KYAT1: variants seen among roughly 807,000 people sequenced by gnomAD.
KYAT1 encodes the protein kynurenine--oxoglutarate transaminase 1.
KYAT1 carries 47 observed loss-of-function variants against 52.4 expected under a neutral mutation model. The observed-to-expected ratio is 0.90, with a 90% CI of 0.71 to 1.14. The LOEUF (loss-of-function observed/expected upper bound fraction) is 1.14, where lower values mean the gene tolerates loss of function less well. KYAT1 is among the 50% of genes most tolerant of loss of function. The pLI is 0.00. For synonymous variants in KYAT1, 212 were observed against 209.6 expected, an observed-to-expected ratio of 1.01 and a Z score of -0.10; for missense variants, 480 against 557.9, an observed-to-expected ratio of 0.86 and a Z score of 1.41.
intron 1 of KYAT1, among the ~76,000 whole-genome samples, chr9:128,874,939 G>C (rs1837760577): frequency 6.6e-6 from 1 of 151,718 alleles, no homozygotes; most frequent in Non-Finnish European, 1.5e-5. Flanking sequence ...TGGCCAGGCT[G>C]GTCTCGAACT....
At chr9:128,843,785 C>CCTACT (rs1158024132) in intron 2 of KYAT1, among the ~76,000 whole-genome samples, 6 of 152,214 alleles carry the variant, frequency 3.9e-5, no homozygotes, top group African/African-American at 1.4e-4. Context: ...CCTGTCCTAT[C>CCTACT]CTACTCTATT....
intron 1 of KYAT1, among the ~76,000 whole-genome samples, chr9:128,881,173 C>T (rs1442675620): frequency 2.6e-5 from 4 of 152,052 alleles, no homozygotes; most frequent in South Asian, 4.1e-4. Flanking sequence ...CTCCACCTCC[C>T]GAGTTCATGC....
Position 128,835,294 on chromosome 9 carries a change from C to T in KYAT1, c.1122+29G>A, listed in dbSNP as rs1159292266. On this transcript the variant is annotated intron_variant, in intron 11 of 12. Transcript: ENST00000302586. ...GCAGCACACAACCTGTGAAACCATA[C>T]ATGGCTGCCTGGCAGAGGCCCAGCC... 3 of 1,594,380 alleles carry T rather than the reference C, an allele frequency of 1.9e-6. No individual in the cohort carries two copies. The South Asian group carries it at 3.3e-5, about 18-fold the overall frequency.
chr9:128,858,823 C>T (rs145315915), intron 1 of KYAT1, among the ~76,000 whole-genome samples: 6,014 of 151,722 alleles, frequency 0.04, 130 homozygotes, highest in Middle Eastern at 0.075. Flanking sequence ...GACTGGCCAA[C>T]ACGGTGAAAT....
chr9:128,856,495 T>C (rs2119375046), intron 1 of KYAT1, among the ~76,000 whole-genome samples: 1 of 152,304 alleles, frequency 6.6e-6, no homozygotes, highest in South Asian at 2.1e-4. Context: ...TGTGTCTATG[T>C]AGAAAGGGAA....
intron 2 of KYAT1, among the ~76,000 whole-genome samples, chr9:128,844,771 G>C (rs1016872297): frequency 2.0e-5 from 3 of 152,152 alleles, no homozygotes; most frequent in Non-Finnish European, 2.9e-5. Context: ...GGCTGAAGCA[G>C]GAGAATCATT....
intron 1 of KYAT1, among the ~76,000 whole-genome samples, chr9:128,862,999 G>A (rs1835673440): frequency 6.6e-6 from 1 of 151,698 alleles, no homozygotes; most frequent in African/African-American, 2.4e-5. Flanking sequence ...TAATTTTTTT[G>A]TGTGTCTTTA....
rs201263319 is a variant in KYAT1 at position 128,835,346 on chromosome 9, C to T, written c.1099G>A (p.Val367Ile). The change falls in exon 11 of 13, where the codon GTC becomes ATC. Residue 367 changes from valine to isoleucine, a missense_variant. Transcript: ENST00000302586. ...ACCTTGTTCTTGATCATCCACTTGA[C>T]GAAGCGTCTGTCATAGGGCTCATCC... ...AVDEPYDRRF[V>I]KWMIKNKGLV... 4.7e-5 allele frequency: 76 copies of T among 1,613,888 alleles called. 1 individual carries two copies. In the African/African-American group the frequency reaches 6.0e-4, roughly 13 times the overall value.
chr9:128,837,922 CCCCTCTG>C, intron 5 of KYAT1, 109 bp from the exon 6 acceptor site: 6 of 1,473,698 alleles, frequency 4.1e-6, no homozygotes, highest in Non-Finnish European at 5.7e-6. Flanking sequence ...ACACACACCT[CCCCTCTG>C]CCCTCCCAGC....
intron 1 of KYAT1, among the ~76,000 whole-genome samples, chr9:128,852,919 TA>T (rs1773647065): frequency 1.3e-5 from 2 of 152,236 alleles, no homozygotes; most frequent in Non-Finnish European, 2.9e-5. Flanking sequence ...TCAGCACAAG[TA>T]AATAGAATAG....
At chr9:128,865,939 C>T (rs1836305472) in intron 1 of KYAT1, among the ~76,000 whole-genome samples, 1 of 152,186 alleles carries the variant, frequency 6.6e-6, no homozygotes, top group East Asian at 1.9e-4. Flanking sequence ...AATAAACCTG[C>T]AGAATGAGAA....
At chr9:128,878,974 G>A (rs1838410732) in intron 1 of KYAT1, among the ~76,000 whole-genome samples, 1 of 152,184 alleles carries the variant, frequency 6.6e-6, no homozygotes. Flanking sequence ...GAGGCCCCCA[G>A]CTGCAAGCTG....
At chr9:128,836,146 C>T (rs1831055415) in intron 7 of KYAT1, 73 bp from the exon 8 acceptor site, 2 of 1,377,098 alleles carry the variant, frequency 1.5e-6, no homozygotes, top group African/African-American at 1.4e-5. Flanking sequence ...GTCTGGGCCC[C>T]AGGGGACACG....
rs181538392 is a variant in KYAT1 at position 128,851,927 on chromosome 9, G to A, written c.-6-6516C>T. 3.3e-5 allele frequency among the ~76,000 whole-genome samples: 5 copies of A among 152,218 alleles called. No individual in the cohort carries two copies. In the East Asian group the frequency reaches 5.8e-4, roughly 18 times the overall value. On this transcript the variant is annotated intron_variant, in intron 1 of 12. Coordinates refer to ENST00000302586, the MANE Select transcript of KYAT1 (RefSeq NM_004059.5). ...CACAATGGCCACCTCCTCCTCAGCC[G>A]AGTGAGTGCTGGGGGAGGCAGCCTG...
chr9:128,874,125 G>A (rs923192598), intron 1 of KYAT1, among the ~76,000 whole-genome samples: 2 of 151,030 alleles, frequency 1.3e-5, no homozygotes, highest in East Asian at 2.0e-4. Context: ...GCGTGGTGGC[G>A]GGCGCCTGTG....
chr9:128,875,248 G>GTTTTTTTTTTTTTTTTT (rs1201067985), intron 1 of KYAT1, among the ~76,000 whole-genome samples: 2 of 108,342 alleles, frequency 1.8e-5, no homozygotes, highest in Admixed American at 9.5e-5. Flanking sequence ...GTTTTTTTTT[G>GTTTTTTTTTTTTTTTTT]TTTTTTTTTT....
At chr9:128,874,866 A>G (rs1479440413) in intron 1 of KYAT1, among the ~76,000 whole-genome samples, 2 of 151,778 alleles carry the variant, frequency 1.3e-5, no homozygotes, top group African/African-American at 4.8e-5. Flanking sequence ...CTGGGATTAC[A>G]GGCACGCACC....
At position 128,838,148 on chromosome 9, in the gene KYAT1, G is replaced by C. The variant is rs1564452483; in HGVS notation, c.352-11C>G. 6.2e-7 allele frequency: 1 copy of C among 1,614,090 alleles called. No homozygotes were observed. The highest frequency in any genetic ancestry group is 2.2e-5 in the East Asian group (1 of 44,870). ...TTCGATGATGATGACCTGATATAAG[G>C]GTCAAATCAGCTGGAGTCAGCATGG... On this transcript the variant is annotated splice_polypyrimidine_tract_variant and intron_variant, in intron 4 of 12. Coordinates refer to ENST00000302586, the MANE Select transcript of KYAT1 (RefSeq NM_004059.5).
rs1231286590 is a variant in KYAT1, at chr9:128,838,273, CCAA to C, written c.293_295del (p.Val98del). ...GGCTGTGAACAGGGCCCCATAGCCA[CCAA>C]CAGTCACCAGCACATTCCTGAGCGG... On this transcript the variant is annotated inframe_deletion, in exon 4 of 13. Transcript: ENST00000302586. 1 of 1,614,102 alleles carries C rather than the reference CCAA, an allele frequency of 6.2e-7. No individual in the cohort carries two copies. Among genetic ancestry groups the C allele is most frequent in the Non-Finnish European group, 8.5e-7 (1 of 1,180,040 alleles).
Sources: allele counts gnomAD v4.1 joint callset (sites outside exome capture counted in the v4.1 genomes callset), GRCh38; gene constraint gnomAD v4.1.1; transcripts MANE v1.5; gene names NCBI Gene and HGNC (gene_info 2026-07-23, HGNC 2026-07-21).